The following DYNC2H1 variants were observed in gnomAD, a reference collection of about 807,000 sequenced individuals.
DYNC2H1 encodes dynein cytoplasmic 2 heavy chain 1.
Under a neutral mutation model 570.0 loss-of-function variants are expected in DYNC2H1, and 410 were observed. The ratio of observed to expected loss-of-function variants is 0.72; its 90% CI spans 0.66 to 0.78. DYNC2H1 has a LOEUF of 0.78. DYNC2H1 is among the 30% of genes least tolerant of loss of function. The probability of loss-of-function intolerance (pLI) is 0.00; values close to 1 mark genes in which losing one functional copy is unlikely to be tolerated. For synonymous variants in DYNC2H1, 1,688 were observed against 1,677.6 expected (o/e 1.01, Z -0.15); for missense variants, 4,865 against 5,046.4 (o/e 0.96, Z 1.09).
rs1938080072 is a variant in DYNC2H1, at chr11:103,319,990, T to C, written c.11726-1039T>C. On this transcript the variant is annotated intron_variant, in intron 80 of 88. Coordinates refer to ENST00000375735, the MANE Select transcript of DYNC2H1 (RefSeq NM_001377.3). This position sits in a 1 kb window ranked among gnomAD's most constrained non-coding sequence, Gnocchi z 4.3. Reference sequence around the variant, plus strand: ...TAAATCCCTTATGTTCCAAGGCATGTAGATAATCAATTTTTGTCATATCTC... The same window carrying C: ...TAAATCCCTTATGTTCCAAGGCATGCAGATAATCAATTTTTGTCATATCTC... Among the ~76,000 whole-genome samples, 4 of 152,204 alleles carry C rather than the reference T, an allele frequency of 2.6e-5. No individual in the cohort carries two copies. In the South Asian group the frequency reaches 8.3e-4, roughly 31 times the overall value.
intron 45 of DYNC2H1, among the ~76,000 whole-genome samples, chr11:103,190,581 G>A (rs1431821751): frequency 2.6e-5 from 4 of 152,170 alleles, no homozygotes; most frequent in African/African-American, 2.4e-5. Flanking sequence ...CTTAGATAAA[G>A]GGAATAGCGT....
At chr11:103,195,903 A>G (rs1184639578) in intron 47 of DYNC2H1, among the ~76,000 whole-genome samples, 3 of 152,188 alleles carry the variant, frequency 2.0e-5, no homozygotes, top group African/African-American at 7.2e-5. Flanking sequence ...AATTTGTTAA[A>G]ACAATTGTAA....
chr11:103,120,662 G>T, intron 7 of DYNC2H1, 27 bp from the exon 8 acceptor site: 2 of 1,607,956 alleles, frequency 1.2e-6, no homozygotes, highest in Non-Finnish European at 1.7e-6. Flanking sequence ...AAATACTAAA[G>T]TCTAACAATG....
intron 83 of DYNC2H1, among the ~76,000 whole-genome samples, chr11:103,364,891 G>A (rs764771833): frequency 2.0e-5 from 3 of 152,146 alleles, no homozygotes; most frequent in Non-Finnish European, 4.4e-5. Context: ...TGCAGGGGAG[G>A]AGCAATATGC....
intron 84 of DYNC2H1, among the ~76,000 whole-genome samples, chr11:103,419,071 C>G (rs1943385857): frequency 6.6e-6 from 1 of 152,148 alleles, no homozygotes. Flanking sequence ...TGGCACTTCA[C>G]AAGGTAAGAC....
chr11:103,381,963 A>G (rs1051114758), intron 83 of DYNC2H1, among the ~76,000 whole-genome samples: 18 of 152,250 alleles, frequency 1.2e-4, no homozygotes, highest in Admixed American at 4.6e-4. Flanking sequence ...TGAAAAATTC[A>G]GTACGTTTGA....
At chr11:103,112,532 T>TA (rs890796162) in intron 1 of DYNC2H1, among the ~76,000 whole-genome samples, 2 of 152,182 alleles carry the variant, frequency 1.3e-5, no homozygotes, top group Non-Finnish European at 2.9e-5. Context: ...ATAATACATG[T>TA]AATTGAATGG....
At chr11:103,122,426 G>C (rs1294994108) in intron 10 of DYNC2H1, among the ~76,000 whole-genome samples, 1 of 152,122 alleles carries the variant, frequency 6.6e-6, no homozygotes, top group Non-Finnish European at 1.5e-5. Flanking sequence ...ATTCCCTTTG[G>C]CCTAATTACT....
At chr11:103,387,218 T>C (rs1045144535) in intron 83 of DYNC2H1, among the ~76,000 whole-genome samples, 12 of 152,336 alleles carry the variant, frequency 7.9e-5, no homozygotes, top group African/African-American at 1.9e-4. Flanking sequence ...TGGTATCTCA[T>C]TGTGGTTTTG....
intron 40 of DYNC2H1, among the ~76,000 whole-genome samples, chr11:103,183,366 A>G (rs150200391): frequency 1.3e-4 from 20 of 152,004 alleles, no homozygotes; most frequent in African/African-American, 4.8e-4. Flanking sequence ...TTATGTATAT[A>G]TAGGGGTTTA....
At chr11:103,422,172 A>G (rs1428876440) in intron 84 of DYNC2H1, among the ~76,000 whole-genome samples, 2 of 152,158 alleles carry the variant, frequency 1.3e-5, no homozygotes, top group Non-Finnish European at 2.9e-5. Context: ...TAGACCAATA[A>G]TGAATTCTGA....
chr11:103,195,956 G>A (rs11225597), intron 47 of DYNC2H1, among the ~76,000 whole-genome samples: 5,086 of 152,238 alleles, frequency 0.033, 119 homozygotes, highest in Non-Finnish European at 0.047. Flanking sequence ...GTAAGCGAAG[G>A]ATATTCCAGA....
intron 70 of DYNC2H1, among the ~76,000 whole-genome samples, chr11:103,273,180 C>A (rs1865778180): frequency 1.4e-5 from 2 of 141,436 alleles, no homozygotes; most frequent in African/African-American, 5.2e-5. Context: ...TCTTCTCTTT[C>A]TTTTCTTTTC....
chr11:103,377,368 C>G (rs1298177874), intron 83 of DYNC2H1, among the ~76,000 whole-genome samples: 1 of 151,938 alleles, frequency 6.6e-6, no homozygotes, highest in Admixed American at 6.6e-5. Flanking sequence ...AGTTCAGAGA[C>G]TCTTTTTTTC....
At chr11:103,394,913 A>G (rs1006445169) in intron 83 of DYNC2H1, among the ~76,000 whole-genome samples, 2 of 151,936 alleles carry the variant, frequency 1.3e-5, no homozygotes, top group African/African-American at 4.8e-5. Flanking sequence ...GTGGCAAGAA[A>G]TTCTATAATC....
rs1416702929 is a variant in DYNC2H1 at position 103,204,124 on chromosome 11, T to C, written c.8311+348T>C. Among the ~76,000 whole-genome samples the C allele has an allele frequency of 6.6e-6, 1 of 152,108 alleles. No individual in the cohort carries two copies. The highest frequency in any genetic ancestry group is 1.9e-4 in the East Asian group (1 of 5,180). On this transcript the variant is annotated intron_variant, in intron 51 of 88. Coordinates refer to ENST00000375735, the MANE Select transcript of DYNC2H1 (RefSeq NM_001377.3). The surrounding 1 kb of genome is among the most constrained non-coding windows in gnomAD (Gnocchi z 4.1). The stretch of plus-strand genomic sequence containing the variant: ...TGGATGGCAGCAAGCAAAGGAGGGC[T>C]TGTGCAGAAAAACTCCTGTTTTTAA...
rs12364869 is a variant in DYNC2H1, at chr11:103,165,409, G to C, written c.4612-489G>C. On this transcript the variant is annotated intron_variant, in intron 30 of 88. Transcript: ENST00000375735. Reference sequence around the variant, plus strand: ...CTTCCAAAGTTCTGGGATTACAGGCGTGAGCCACCGCACCCGGCCAAGGCA... The same window carrying C: ...CTTCCAAAGTTCTGGGATTACAGGCCTGAGCCACCGCACCCGGCCAAGGCA... 2.6e-3 allele frequency among the ~76,000 whole-genome samples: 403 copies of C among 152,274 alleles called. 3 individuals are homozygous for C. Among genetic ancestry groups the C allele is most frequent in the Non-Finnish European group, 4.4e-3 (298 of 68,018 alleles).
At chr11:103,471,082 T>C (rs998442075) in intron 88 of DYNC2H1, among the ~76,000 whole-genome samples, 135 of 152,134 alleles carry the variant, frequency 8.9e-4, no homozygotes, top group African/African-American at 3.0e-3. Flanking sequence ...CACCTGTTGT[T>C]TCCTGACTTT....
intron 84 of DYNC2H1, among the ~76,000 whole-genome samples, chr11:103,425,969 C>G (rs1022895918): frequency 6.6e-6 from 1 of 151,964 alleles, no homozygotes; most frequent in African/African-American, 2.4e-5. Context: ...TCTGCCAGCA[C>G]TGTGACATGT....
Sources: gnomAD v4.1 joint callset for allele counts (sites outside exome capture counted in the v4.1 genomes callset) on GRCh38, gnomAD v4.1.1 for gene constraint, Gnocchi (gnomAD v3.1) non-coding constraint, MANE v1.5 for transcripts, NCBI Gene and HGNC (gene_info 2026-07-23, HGNC 2026-07-21) for gene names.